Variants in CFAP91 observed in about 807,000 individuals in gnomAD.
CFAP91 encodes cilia and flagella associated protein 91, also known as cilia- and flagella-associated protein 91.
A neutral mutation model predicts 95.9 loss-of-function variants in CFAP91; 85 were observed. The ratio of observed to expected loss-of-function variants is 0.89; its 90% CI spans 0.74 to 1.06. CFAP91 has a LOEUF of 1.06. Among genes scored for constraint, CFAP91 ranks in the 50% least tolerant of loss-of-function variants. The pLI, the probability that CFAP91 is intolerant of heterozygous loss-of-function variation, is 0.00. For synonymous variants in CFAP91, 335 were observed against 327.5 expected, an observed-to-expected ratio of 1.02 and a Z score of -0.25; for missense variants, 962 against 943.4, an observed-to-expected ratio of 1.02 and a Z score of -0.26.
In CFAP91 at chr3:119,717,550, G is replaced by GGTTT. The variant is rs1553706268; in HGVS notation, c.682+1807_682+1808insGTTT. On this transcript the variant is annotated intron_variant, in intron 6 of 17. Transcript: ENST00000273390. ...AATATCTGTTAAGTAAAATACGTTG[G>GGTTT]TTTTTTTTTTTTTTTTTTTCACAAA... is the stretch of plus-strand genomic sequence containing the variant. 1.3e-3 allele frequency among the ~76,000 whole-genome samples: 174 copies of GGTTT among 130,158 alleles called. 2 individuals carry two copies. The highest frequency in any genetic ancestry group is 2.1e-3 in the Non-Finnish European group (126 of 61,424). 85.4% of individuals were successfully genotyped at this position (130,158 alleles called of 152,430 possible).
chr3:119,751,944 A>C (rs1428383779), intron 17 of CFAP91, among the ~76,000 whole-genome samples: 1 of 152,222 alleles, frequency 6.6e-6, no homozygotes, highest in African/African-American at 2.4e-5. Flanking sequence ...CATTCCTCCC[A>C]GTTCAGATGG....
At position 119,730,601 on chromosome 3, in the gene CFAP91, A is replaced by AGTGTGTGTGTGTGTGTGTGT. The variant is rs60453079; in HGVS notation, c.1018+254_1018+273dup. On this transcript the variant is annotated intron_variant, in intron 8 of 17. Transcript: ENST00000273390. Reference sequence around the variant, plus strand: ...TAACAGGTAGTCGAGTTACTGAGATAGTGTGTGTGTGTGTGTGTGTGTGTG... The same window carrying AGTGTGTGTGTGTGTGTGTGT: ...TAACAGGTAGTCGAGTTACTGAGATAGTGTGTGTGTGTGTGTGTGTGTGTGTGTGTGTGTGTGTGTGTGTG... 6.6e-5 allele frequency among the ~76,000 whole-genome samples: 9 copies of AGTGTGTGTGTGTGTGTGTGT among 137,204 alleles called. No homozygotes were observed. The East Asian group carries it at 1.6e-3, about 24-fold the overall frequency. 90.0% of individuals were successfully genotyped at this position (137,204 alleles called of 152,430 possible).
intron 13 of CFAP91, 31 bp downstream of exon 13, chr3:119,740,726 C>G: frequency 6.3e-7 from 1 of 1,596,532 alleles, no homozygotes; most frequent in Non-Finnish European, 8.5e-7. Flanking sequence ...TTGTTACTTT[C>G]TTGTTAAATT....
intron 6 of CFAP91, among the ~76,000 whole-genome samples, chr3:119,717,157 G>GA (rs1159865479): frequency 2.0e-5 from 3 of 152,238 alleles, no homozygotes; most frequent in African/African-American, 7.2e-5. Flanking sequence ...GCCTGAAGGT[G>GA]AGGGGCCAGC....
At chr3:119,725,680 C>T (rs368629336) in intron 6 of CFAP91, among the ~76,000 whole-genome samples, 1 of 152,012 alleles carries the variant, frequency 6.6e-6, no homozygotes, top group South Asian at 2.1e-4. Flanking sequence ...TCATTTGTGC[C>T]TGGGAGGTCA....
chr3:119,713,561 T>A (rs536458596), intron 5 of CFAP91, among the ~76,000 whole-genome samples: 2 of 152,148 alleles, frequency 1.3e-5, no homozygotes, highest in Non-Finnish European at 2.9e-5. Context: ...TAATCAATGC[T>A]TTCACCAACT....
intron 6 of CFAP91, among the ~76,000 whole-genome samples, chr3:119,725,287 G>C (rs1159261151): frequency 1.3e-5 from 2 of 152,182 alleles, no homozygotes. Context: ...TCTCGGAGCT[G>C]GTCAGGAGAC....
chr3:119,744,253 A>G, intron 14 of CFAP91, 57 bp downstream of exon 14: 1 of 1,364,568 alleles, frequency 7.3e-7, no homozygotes, highest in Non-Finnish European at 1.0e-6. Flanking sequence ...AGTCAAACCA[A>G]AGGAAGCTCA....
At chr3:119,733,532 A>G (rs2053943071) in intron 10 of CFAP91, 26 bp downstream of exon 10, 1 of 1,601,068 alleles carries the variant, frequency 6.2e-7, no homozygotes, top group Non-Finnish European at 8.5e-7. Flanking sequence ...GGAGGACAAA[A>G]TGCTTCTAGT....
At chr3:119,751,158 A>G in intron 17 of CFAP91, 60 bp downstream of exon 17, 1 of 1,519,356 alleles carries the variant, frequency 6.6e-7, no homozygotes, top group Non-Finnish European at 8.8e-7. Context: ...GGCATTGTTC[A>G]GCTTTGTGCT....
Position 119,707,433 on chromosome 3 carries a change from C to A in CFAP91, c.231C>A (p.Phe77Leu). The A allele has an allele frequency of 6.3e-7, 1 of 1,582,104 alleles. No individual in the cohort carries two copies. The highest frequency in any genetic ancestry group is 1.2e-5 in the South Asian group (1 of 86,252). ...LRKVPRFKTM[F>L]SNLIHYPRYS... ...AAGTTCCCAGGTTTAAAACCATGTT[C>A]AGTAACCTGATCCATTATCCAAGAT... The change falls in exon 3 of 18, where the codon TTC becomes TTA. Residue 77 changes from phenylalanine to leucine, a missense_variant. Transcript: ENST00000273390.
chr3:119,705,347 T>A (rs2053338493), intron 1 of CFAP91, among the ~76,000 whole-genome samples: 1 of 152,254 alleles, frequency 6.6e-6, no homozygotes, highest in South Asian at 2.1e-4. Context: ...CAGGTTCTTT[T>A]ACCCTTCCTT....
rs779207550 is a variant in CFAP91, at chr3:119,715,609, T to C, written c.548T>C (p.Ile183Thr). The change falls in exon 6 of 18, where the codon ATC becomes ACC. Residue 183 changes from isoleucine (I) to threonine (T), a missense_variant. Transcript: ENST00000273390. ...CCTACTTCTACTAAGCACCTATCCATCCCTTCAAAGTCTACTGTGGGCACT... is the reference window on the plus strand; with the variant it reads ...CCTACTTCTACTAAGCACCTATCCACCCCTTCAAAGTCTACTGTGGGCACT... ...FPPTSTKHLS[I>T]PSKSTVGTQT... The C allele has an allele frequency of 6.2e-7, 1 of 1,614,074 alleles. No individual in the cohort carries two copies. The highest frequency in any genetic ancestry group is 2.2e-5 in the East Asian group (1 of 44,882).
At chr3:119,726,539 A>G (rs2053788351) in intron 7 of CFAP91, among the ~76,000 whole-genome samples, 191 bp downstream of exon 7, 1 of 152,090 alleles carries the variant, frequency 6.6e-6, no homozygotes, top group Non-Finnish European at 1.5e-5. Flanking sequence ...GCTCTGTATA[A>G]TTTTCCCTCC....
intron 6 of CFAP91, among the ~76,000 whole-genome samples, chr3:119,722,929 A>G (rs2053714630): frequency 6.6e-6 from 1 of 152,340 alleles, no homozygotes; most frequent in African/African-American, 2.4e-5. Flanking sequence ...AAAAGAGAGA[A>G]AATATTTATC....
At chr3:119,750,818 T>G in intron 16 of CFAP91, 119 bp from the exon 17 acceptor site, 4 of 1,047,920 alleles carry the variant, frequency 3.8e-6, no homozygotes, top group Non-Finnish European at 4.3e-6. Flanking sequence ...AGAAATTAGA[T>G]TTGGGTTGGG....
intron 3 of CFAP91, among the ~76,000 whole-genome samples, chr3:119,708,017 C>G (rs1290303708): frequency 1.3e-5 from 2 of 152,068 alleles, no homozygotes; most frequent in African/African-American, 4.8e-5. Context: ...CACAGTGGCT[C>G]ACGCCTGTAA....
chr3:119,730,111 A>G, intron 7 of CFAP91, 109 bp from the exon 8 acceptor site: 1 of 1,178,110 alleles, frequency 8.5e-7, no homozygotes, highest in Non-Finnish European at 1.2e-6. Flanking sequence ...TTTTGGCAAT[A>G]CATGAATATG....
At chr3:119,711,947 T>C (rs2053479876) in intron 5 of CFAP91, among the ~76,000 whole-genome samples, 1 of 152,230 alleles carries the variant, frequency 6.6e-6, no homozygotes, top group Non-Finnish European at 1.5e-5. Context: ...AGACTGTAGG[T>C]ATGGCAGACA....
Sources: allele counts gnomAD v4.1 joint callset (sites outside exome capture counted in the v4.1 genomes callset), GRCh38; gene constraint gnomAD v4.1.1; transcripts MANE v1.5; gene names NCBI Gene and HGNC (gene_info 2026-07-23, HGNC 2026-07-21).